SKAP1: variants seen among roughly 807,000 people sequenced by gnomAD.
SKAP1 encodes src kinase-associated phosphoprotein 1.
A neutral mutation model predicts 58.5 loss-of-function variants in SKAP1; 44 were observed. The ratio of observed to expected loss-of-function variants is 0.75; its 90% confidence interval spans 0.59 to 0.97. The LOEUF is 0.97. Among genes scored for constraint, SKAP1 ranks in the 50% least tolerant of loss-of-function variants. The probability of loss-of-function intolerance (pLI) is 0.00; values close to 1 mark genes in which losing one functional copy is unlikely to be tolerated. For synonymous variants in SKAP1, 127 were observed against 149.7 expected (o/e 0.85, Z 1.11); for missense variants, 390 against 435.2 (o/e 0.90, Z 0.92).
rs1166403901 is a variant in SKAP1, at chr17:48,187,829, T to G, written c.442+14A>C. ...CAGGAGTGAGATGCTGCTGTGTAAA[T>G]GAAGAACACTTACTCTTCTCATTAG... On this transcript the variant is annotated intron_variant, in intron 6 of 12. Coordinates refer to ENST00000336915, the MANE Select transcript of SKAP1 (RefSeq NM_003726.4). The G allele has an allele frequency of 6.3e-7, 1 of 1,585,928 alleles. No individual in the cohort carries two copies. Among genetic ancestry groups the G allele is most frequent in the Non-Finnish European group, 8.7e-7 (1 of 1,155,068 alleles).
rs563860267 is a variant in SKAP1, at chr17:48,299,308, A to G, written c.280+46597T>C. 4.4e-4 allele frequency among the ~76,000 whole-genome samples: 67 copies of G among 152,240 alleles called. 1 individual carries two copies. Among genetic ancestry groups the G allele is most frequent in the African/African-American group, 1.6e-3 (67 of 41,532 alleles). On this transcript the variant is annotated intron_variant, in intron 4 of 12. Coordinates refer to ENST00000336915, the MANE Select transcript of SKAP1 (RefSeq NM_003726.4). ...ATTTCGTTTTGTCTTTGTGGTGTCAATGTACTGTCCAGCATTTGGCTTTAT... is the reference window on the plus strand; with the variant it reads ...ATTTCGTTTTGTCTTTGTGGTGTCAGTGTACTGTCCAGCATTTGGCTTTAT...
At chr17:48,230,234 G>A (rs760644766) in intron 4 of SKAP1, among the ~76,000 whole-genome samples, 6 of 152,132 alleles carry the variant, frequency 3.9e-5, no homozygotes, top group Non-Finnish European at 5.9e-5. Flanking sequence ...AATAAACCAG[G>A]CAATGTTCTT....
rs566197865 is a variant in SKAP1 at position 48,415,262 on chromosome 17, T to C, written c.46+14813A>G. Among the ~76,000 whole-genome samples the C allele has an allele frequency of 1.9e-3, 289 of 152,282 alleles. 1 individual carries two copies. The highest frequency in any genetic ancestry group is 6.8e-3 in the African/African-American group (283 of 41,550). ...AAGAAAAATGGCATAAATTTCTGCC[T>C]ATTCTAGCATTACACTCAAGAAAAT... On this transcript the variant is annotated intron_variant, in intron 1 of 12. Transcript: ENST00000336915.
intron 9 of SKAP1, among the ~76,000 whole-genome samples, chr17:48,179,554 A>C (rs1259216127): frequency 6.6e-6 from 1 of 152,246 alleles, no homozygotes; most frequent in Non-Finnish European, 1.5e-5. Flanking sequence ...TATCTGAACT[A>C]GGTAATAATG....
At chr17:48,153,143 A>G (rs1470953446) in intron 11 of SKAP1, among the ~76,000 whole-genome samples, 2 of 152,190 alleles carry the variant, frequency 1.3e-5, no homozygotes, top group Non-Finnish European at 2.9e-5. Flanking sequence ...GATAGAATAA[A>G]ATAAAATGCC....
chr17:48,249,323 T>G (rs1272811804), intron 4 of SKAP1, among the ~76,000 whole-genome samples: 1 of 152,186 alleles, frequency 6.6e-6, no homozygotes, highest in African/African-American at 2.4e-5. Flanking sequence ...AACATTATAA[T>G]AGTATTGAAA....
intron 4 of SKAP1, among the ~76,000 whole-genome samples, chr17:48,236,313 A>C (rs1046097455): frequency 6.6e-6 from 1 of 152,180 alleles, no homozygotes; most frequent in Non-Finnish European, 1.5e-5. Flanking sequence ...ACTATAATGC[A>C]ATTTATCATT....
At chr17:48,442,500 C>A in the SKAP1 span, among the ~76,000 whole-genome samples, 13 of 152,144 alleles carry the variant, frequency 8.5e-5, no homozygotes, top group African/African-American at 2.7e-4. Flanking sequence ...CTCTGCTATA[C>A]TTGGTGTTAC....
At chr17:48,252,804 T>C (rs543343561) in intron 4 of SKAP1, among the ~76,000 whole-genome samples, 4 of 151,580 alleles carry the variant, frequency 2.6e-5, no homozygotes, top group African/African-American at 7.3e-5. Context: ...ACAGCCAATA[T>C]GAGGGAGGAA....
chr17:48,229,102 CA>C (rs1175947207), intron 4 of SKAP1, among the ~76,000 whole-genome samples: 1 of 152,178 alleles, frequency 6.6e-6, no homozygotes, highest in Non-Finnish European at 1.5e-5. Flanking sequence ...ACTCTCTTTA[CA>C]CCCAACACTT....
intron 1 of SKAP1, among the ~76,000 whole-genome samples, chr17:48,410,080 A>C (rs1374000732): frequency 6.6e-6 from 1 of 152,212 alleles, no homozygotes; most frequent in East Asian, 1.9e-4. Flanking sequence ...TCTAGTCAAT[A>C]AAGTTGTTTG....
Position 48,182,789 on chromosome 17 carries a change from C to T in SKAP1, c.568-332G>A, listed in dbSNP as rs111245426. Among the ~76,000 whole-genome samples, 216 of 152,250 alleles carry T rather than the reference C, an allele frequency of 1.4e-3. 4 individuals carry two copies. The highest frequency in any genetic ancestry group is 5.1e-3 in the African/African-American group (211 of 41,550). The stretch of plus-strand genomic sequence containing the variant: ...AGCAAACCAACCCACACACATGAAA[C>T]GGGAACACTAAAAGGAGGCACATTT... On this transcript the variant is annotated intron_variant, in intron 7 of 12. Coordinates refer to ENST00000336915, the MANE Select transcript of SKAP1 (RefSeq NM_003726.4).
At chr17:48,313,548 C>T (rs1461227007) in intron 4 of SKAP1, among the ~76,000 whole-genome samples, 4 of 152,094 alleles carry the variant, frequency 2.6e-5, no homozygotes, top group Non-Finnish European at 5.9e-5. Flanking sequence ...CCTTCCAATG[C>T]ATTATGCACT....
chr17:48,288,078 A>G (rs762933501), intron 4 of SKAP1, among the ~76,000 whole-genome samples: 16 of 152,228 alleles, frequency 1.1e-4, no homozygotes, highest in Non-Finnish European at 2.2e-4. Context: ...ATATTTAGTA[A>G]CAGTGTTACT....
chr17:48,427,148 A>G (rs1285968864), intron 1 of SKAP1, among the ~76,000 whole-genome samples: 1 of 152,172 alleles, frequency 6.6e-6, no homozygotes, highest in African/African-American at 2.4e-5. Context: ...TCTGGTATAT[A>G]TTCTTTTTTA....
At chr17:48,250,702 C>T (rs2065354395) in intron 4 of SKAP1, among the ~76,000 whole-genome samples, 1 of 151,976 alleles carries the variant, frequency 6.6e-6, no homozygotes, top group South Asian at 2.1e-4. Context: ...AGTAATAATT[C>T]TTTATTTTTA....
chr17:48,304,197 A>C, intron 4 of SKAP1, among the ~76,000 whole-genome samples: 1 of 152,222 alleles, frequency 6.6e-6, no homozygotes, highest in South Asian at 2.1e-4. Context: ...TATTTTATGT[A>C]ATAATGACAC....
intron 4 of SKAP1, among the ~76,000 whole-genome samples, chr17:48,208,658 T>C (rs1396280991): frequency 6.6e-6 from 1 of 152,214 alleles, no homozygotes; most frequent in East Asian, 1.9e-4. Context: ...CCTGTTTATA[T>C]TTCATTTATC....
At chr17:48,142,393 C>T (rs144015716) in intron 11 of SKAP1, among the ~76,000 whole-genome samples, 2 of 152,162 alleles carry the variant, frequency 1.3e-5, no homozygotes, top group Non-Finnish European at 2.9e-5. Context: ...ACCCGGGAGG[C>T]GGAGGTTGCG....
Sources: allele counts gnomAD v4.1 joint callset (sites outside exome capture counted in the v4.1 genomes callset), GRCh38; gene constraint gnomAD v4.1.1; transcripts MANE v1.5; gene names NCBI Gene and HGNC (gene_info 2026-07-23, HGNC 2026-07-21).